LYPLAL1: variants seen among roughly 807,000 people sequenced by gnomAD.
LYPLAL1 encodes lysophospholipase like 1, also known as lysophospholipase-like protein 1.
Under a neutral mutation model 19.7 loss-of-function variants are expected in LYPLAL1, and 23 were observed. The ratio of observed to expected loss-of-function variants is 1.17; its 90% CI spans 0.84 to 1.65. LYPLAL1 has a LOEUF of 1.65. Among genes scored for constraint, LYPLAL1 ranks in the 40% most tolerant of loss-of-function variants. The pLI, the probability that LYPLAL1 is intolerant of heterozygous loss-of-function variation, is 0.00. For synonymous variants in LYPLAL1, 119 were observed against 96.3 expected (o/e 1.24, Z -1.38); for missense variants, 355 against 279.4 (o/e 1.27, Z -1.93).
chr1:219,177,282 T>C (rs577521354), intron 1 of LYPLAL1, among the ~76,000 whole-genome samples: 2 of 152,242 alleles, frequency 1.3e-5, no homozygotes, highest in African/African-American at 2.4e-5. Flanking sequence ...TGGCAAACTT[T>C]CTGCAAAAAG....
the LYPLAL1 span, among the ~76,000 whole-genome samples, chr1:219,373,279 T>G: frequency 2.0e-5 from 3 of 152,182 alleles, 1 homozygote; most frequent in African/African-American, 7.2e-5. Flanking sequence ...TAAGACACAG[T>G]AGGAAACCGC....
the LYPLAL1 span, among the ~76,000 whole-genome samples, chr1:219,286,573 C>T: frequency 6.6e-6 from 1 of 152,170 alleles, no homozygotes; most frequent in Non-Finnish European, 1.5e-5. Context: ...TAGGAGTCTC[C>T]TTCCCTGAAT....
the LYPLAL1 span, among the ~76,000 whole-genome samples, chr1:219,367,676 T>A: frequency 6.6e-6 from 1 of 152,210 alleles, no homozygotes; most frequent in African/African-American, 2.4e-5. Flanking sequence ...AAGCTGGCAT[T>A]GGGCTTGAGT....
the LYPLAL1 span, among the ~76,000 whole-genome samples, chr1:219,313,488 A>G: frequency 6.6e-6 from 1 of 151,650 alleles, no homozygotes; most frequent in South Asian, 2.1e-4. Flanking sequence ...ATAAATTTTT[A>G]TAGCATCTTA....
At chr1:219,190,299 A>G (rs1455549840) in intron 2 of LYPLAL1, among the ~76,000 whole-genome samples, 2 of 151,528 alleles carry the variant, frequency 1.3e-5, no homozygotes, top group Admixed American at 1.3e-4. Context: ...AATATATGGC[A>G]AAGATAAAAT....
chr1:219,425,469 T>C, the LYPLAL1 span, among the ~76,000 whole-genome samples: 6 of 152,178 alleles, frequency 3.9e-5, no homozygotes, highest in African/African-American at 1.4e-4. Context: ...GCTCTAACTA[T>C]AAAGTTAACA....
chr1:219,274,345 C>G, the LYPLAL1 span, among the ~76,000 whole-genome samples: 1 of 152,152 alleles, frequency 6.6e-6, no homozygotes, highest in Non-Finnish European at 1.5e-5. Context: ...AGACTTCCCT[C>G]TATCTTTTAA....
At chr1:219,248,143 T>G in the LYPLAL1 span, among the ~76,000 whole-genome samples, 1 of 152,182 alleles carries the variant, frequency 6.6e-6, no homozygotes, top group African/African-American at 2.4e-5. Flanking sequence ...ATATGAAACA[T>G]TGAAGTTTTA....
chr1:219,251,294 AG>A, the LYPLAL1 span, among the ~76,000 whole-genome samples: 3 of 151,934 alleles, frequency 2.0e-5, no homozygotes, highest in African/African-American at 7.2e-5. Flanking sequence ...CAGTTTAATT[AG>A]TTCCCATTTG....
chr1:219,273,917 C>T, the LYPLAL1 span, among the ~76,000 whole-genome samples: 2 of 152,264 alleles, frequency 1.3e-5, no homozygotes, highest in Non-Finnish European at 2.9e-5. Context: ...TGCACCATCA[C>T]ATCCGGCTAA....
chr1:219,406,028 C>T, the LYPLAL1 span, among the ~76,000 whole-genome samples: 54 of 152,324 alleles, frequency 3.5e-4, no homozygotes, highest in Middle Eastern at 3.4e-3. Flanking sequence ...CCTACAGCTG[C>T]TGACATTAGC....
the LYPLAL1 span, among the ~76,000 whole-genome samples, chr1:219,362,450 A>G: frequency 6.6e-6 from 1 of 152,174 alleles, no homozygotes; most frequent in Non-Finnish European, 1.5e-5. Context: ...AAAACGTGCA[A>G]AAGTTGTGTA....
the LYPLAL1 span, among the ~76,000 whole-genome samples, chr1:219,365,751 G>A: frequency 1.3e-5 from 2 of 152,026 alleles, no homozygotes; most frequent in African/African-American, 4.8e-5. Flanking sequence ...TATGGGAATC[G>A]GGTCCAACAC....
intron 1 of LYPLAL1, among the ~76,000 whole-genome samples, chr1:219,177,340 A>G (rs1655900133): frequency 6.6e-6 from 1 of 152,190 alleles, no homozygotes; most frequent in African/African-American, 2.4e-5. Context: ...TCTCTTCCCC[A>G]TAGTTTTCCC....
chr1:219,235,840 A>G, the LYPLAL1 span, among the ~76,000 whole-genome samples: 1 of 152,162 alleles, frequency 6.6e-6, no homozygotes, highest in Admixed American at 6.5e-5. Flanking sequence ...CCCAGAGAGT[A>G]AGTTGACCTT....
the LYPLAL1 span, among the ~76,000 whole-genome samples, chr1:219,442,080 C>A: frequency 6.6e-6 from 1 of 152,130 alleles, no homozygotes; most frequent in Non-Finnish European, 1.5e-5. Flanking sequence ...TTAAACAATA[C>A]CATTCTCCCA....
the LYPLAL1 span, among the ~76,000 whole-genome samples, chr1:219,302,571 GTC>G: frequency 1.3e-5 from 2 of 152,084 alleles, no homozygotes; most frequent in Admixed American, 6.5e-5. Flanking sequence ...ATCTCTCTGA[GTC>G]TCAATTTTTT....
In LYPLAL1 at chr1:219,173,929, C is replaced by T. The variant is rs372613753; in HGVS notation, c.39C>T (p.Ile13=). Residue 13 remains isoleucine, a synonymous_variant, in exon 1 of 5, where the codon ATC becomes ATT. Transcript: ENST00000366928. Reference sequence around the variant, plus strand: ...CGGGGTCGGTTCTGCAGCGCTGTATCGTGTCGCCGGCAGGGAGGCATAGCG... The same window carrying T: ...CGGGGTCGGTTCTGCAGCGCTGTATTGTGTCGCCGGCAGGGAGGCATAGCG... The part of the protein sequence containing the change: ...AASGSVLQRC[I]VSPAGRHSAS... 1.2e-6 allele frequency: 2 copies of T among 1,613,754 alleles called. No homozygotes were observed. The highest frequency in any genetic ancestry group is 4.5e-5 in the East Asian group (2 of 44,874).
chr1:219,380,322 G>C, the LYPLAL1 span, among the ~76,000 whole-genome samples: 1 of 152,164 alleles, frequency 6.6e-6, no homozygotes, highest in African/African-American at 2.4e-5. Flanking sequence ...AAAGGAGAGA[G>C]GGAAGGAAGG....
Sources: gnomAD v4.1 joint callset for allele counts (sites outside exome capture counted in the v4.1 genomes callset) on GRCh38, gnomAD v4.1.1 for gene constraint, MANE v1.5 for transcripts, NCBI Gene and HGNC (gene_info 2026-07-23, HGNC 2026-07-21) for gene names.